The following METTL22 variants were observed in gnomAD, a reference collection of about 807,000 sequenced individuals.
METTL22 encodes the protein methyltransferase 22, Kin17 lysine, also known as methyltransferase-like protein 22.
Under a neutral mutation model 48.4 loss-of-function variants are expected in METTL22, and 51 were observed. That is an observed-to-expected ratio of 1.05 (90% CI 0.84 to 1.33). The LOEUF (loss-of-function observed/expected upper bound fraction) is 1.33, where lower values mean the gene tolerates loss of function less well. Among genes scored for constraint, METTL22 ranks in the 40% most tolerant of loss-of-function variants. The pLI is 0.00. For synonymous variants in METTL22, 255 were observed against 214.1 expected, an observed-to-expected ratio of 1.19 and a Z score of -1.67; for missense variants, 678 against 526.9, an observed-to-expected ratio of 1.29 and a Z score of -2.81.
At chr16:8,639,257 C>T (rs2056519021) in intron 6 of METTL22, 95 bp downstream of exon 6, 6 of 1,227,610 alleles carry the variant, frequency 4.9e-6, no homozygotes, top group South Asian at 3.6e-5. Flanking sequence ...GGCAGGGCTC[C>T]GTCTGTGTCC....
intron 10 of METTL22, 161 bp downstream of exon 10, chr16:8,644,886 TG>T: frequency 1.4e-6 from 1 of 715,798 alleles, no homozygotes; most frequent in Non-Finnish European, 2.1e-6. Flanking sequence ...TGGAACCTGT[TG>T]GGGGAGCTAC....
In METTL22 at chr16:8,628,902, C is replaced by T. The variant is rs796926731; in HGVS notation, c.306C>T (p.Ala102=). 16 of 1,613,810 alleles carry T rather than the reference C, an allele frequency of 9.9e-6. No individual in the cohort carries two copies. The highest frequency in any genetic ancestry group is 3.3e-5 in the Admixed American group (2 of 59,996). The change falls in exon 3 of 11, where the codon GCC becomes GCT. Residue 102 remains alanine (A), a synonymous_variant. Coordinates refer to ENST00000381920, the MANE Select transcript of METTL22 (RefSeq NM_024109.4). ...GTAATGAGGGTTTCTCCCTCCAGGC[C>T]GGGACTGACACCACTGGCCAGGAAG... ...GHGNEGFSLQ[A]GTDTTGQEVA...
At position 8,639,111 on chromosome 16, in the gene METTL22, T is replaced by G; in HGVS notation, c.721T>G (p.Ser241Ala). The G allele has an allele frequency of 1.2e-6, 2 of 1,613,926 alleles. No individual in the cohort carries two copies. Among genetic ancestry groups the G allele is most frequent in the South Asian group, 2.2e-5 (2 of 91,080 alleles). ...YCTDVGADLLSMCQRNIALNS... is the reference protein window; with the variant it reads ...YCTDVGADLLAMCQRNIALNS... ...TCCAGATGTCGGTGCAGATCTCTTGTCCATGTGCCAGCGAAACATTGCCCT... is the reference window on the plus strand; with the variant it reads ...TCCAGATGTCGGTGCAGATCTCTTGGCCATGTGCCAGCGAAACATTGCCCT... The change falls in exon 6 of 11, where the codon TCC (serine) becomes GCC (alanine). Residue 241 changes from serine (S) to alanine (A), a missense_variant. Ser to Ala is a moderately conservative substitution (Grantham distance 99). Transcript: ENST00000381920.
At chr16:8,624,215 A>C (rs2055961033) in intron 1 of METTL22, 1 of 152,102 alleles carries the variant, frequency 6.6e-6, no homozygotes, top group African/African-American at 2.4e-5. Flanking sequence ...AAACGGTTGG[A>C]GGGAGGTCCC....
In METTL22 at chr16:8,646,650, C is replaced by G. The variant is rs1381717575; in HGVS notation, c.*507C>G. 2 of 458,386 alleles carry G rather than the reference C, an allele frequency of 4.4e-6. No individual in the cohort carries two copies. Among genetic ancestry groups the G allele is most frequent in the South Asian group, 3.1e-5 (2 of 64,586 alleles). The allele number at this position is 458,386 out of a possible 1,614,324, so 28.4% of individuals were successfully genotyped here. A position where few individuals can be genotyped will look rare whatever the true frequency, so the allele number is the denominator to read the frequency against. On this transcript the variant is annotated 3_prime_UTR_variant, in exon 11 of 11. Transcript: ENST00000381920. ...TGAGGGCCCCATGAGAAGGAAGAGGCAGGAGCTGGCGCCAGGAATGGACTG... is the reference window on the plus strand; with the variant it reads ...TGAGGGCCCCATGAGAAGGAAGAGGGAGGAGCTGGCGCCAGGAATGGACTG...
At chr16:8,642,441 C>G (rs766172360) in intron 8 of METTL22, 22 bp from the exon 9 acceptor site, 4 of 1,608,752 alleles carry the variant, frequency 2.5e-6, no homozygotes, top group South Asian at 2.2e-5. Context: ...TCCTCTAATG[C>G]TGGCCTTTTT....
At chr16:8,633,610 CAGAA>C (rs976600882) in intron 3 of METTL22, among the ~76,000 whole-genome samples, 8 of 152,138 alleles carry the variant, frequency 5.3e-5, no homozygotes, top group African/African-American at 1.9e-4. Context: ...TGTCTCAAAA[CAGAA>C]AGAGACAGAA....
rs1319583027 is a variant in METTL22, at chr16:8,635,073, C to G, written c.549C>G (p.Gly183=). The part of the protein sequence containing the change: ...HTMATPLEDV[G]KQVWRGALLL... ...TGGCCACGCCCCTGGAGGATGTTGG[C>G]AAGCAGGTGGGTAGGTCTTGTCCGC... The change falls in exon 4 of 11, where the codon GGC becomes GGG. Residue 183 remains glycine, a synonymous_variant. Coordinates refer to ENST00000381920, the MANE Select transcript of METTL22 (RefSeq NM_024109.4). 1.2e-6 allele frequency: 2 copies of G among 1,613,816 alleles called. No individual in the cohort carries two copies. The highest frequency in any genetic ancestry group is 2.7e-5 in the African/African-American group (2 of 74,912).
intron 1 of METTL22, among the ~76,000 whole-genome samples, chr16:8,624,923 G>A (rs1185924318): frequency 6.6e-6 from 1 of 152,118 alleles, no homozygotes; most frequent in African/African-American, 2.4e-5. Context: ...AACAAATGAT[G>A]TGGGGACAGT....
rs2056657065 is a variant in METTL22 at position 8,642,569 on chromosome 16, A to T, written c.1010+4A>T. On this transcript the variant is annotated splice_donor_region_variant and intron_variant, in intron 9 of 10. Coordinates refer to ENST00000381920, the MANE Select transcript of METTL22 (RefSeq NM_024109.4). ...CCATACTGTCGGTGGAGAAGAGGTG[A>T]GCTTTGCGCCACGGGAACCGTGCTG... is the stretch of plus-strand genomic sequence containing the variant. The T allele has an allele frequency of 3.7e-6, 6 of 1,613,820 alleles. No homozygotes were observed. Among genetic ancestry groups the T allele is most frequent in the Admixed American group, 1.7e-5 (1 of 60,002 alleles).
At chr16:8,628,503 C>G (rs1253425932) in intron 2 of METTL22, among the ~76,000 whole-genome samples, 1 of 151,898 alleles carries the variant, frequency 6.6e-6, no homozygotes, top group Non-Finnish European at 1.5e-5. Flanking sequence ...AGCCAAGTGC[C>G]TCATAGATTC....
chr16:8,625,895 G>C, intron 2 of METTL22, 97 bp downstream of exon 2: 1 of 1,454,760 alleles, frequency 6.9e-7, no homozygotes, highest in Non-Finnish European at 9.5e-7. Context: ...ACTGGATTAC[G>C]TAACTGTTAT....
chr16:8,629,205 G>C (rs1456031849), intron 3 of METTL22, 95 bp downstream of exon 3: 1 of 1,481,046 alleles, frequency 6.8e-7, no homozygotes, highest in Admixed American at 1.9e-5. Flanking sequence ...GACTCTGCAG[G>C]CCCAGGCAGC....
chr16:8,657,267 AT>A, the METTL22 span, among the ~76,000 whole-genome samples: 1 of 152,316 alleles, frequency 6.6e-6, no homozygotes, highest in South Asian at 2.1e-4. Flanking sequence ...TGTTTTGTGT[AT>A]TCTGGGAGAA....
At position 8,625,481 on chromosome 16, in the gene METTL22, C is replaced by G. The variant is rs975992778; in HGVS notation, c.-170-15C>G. On this transcript the variant is annotated splice_polypyrimidine_tract_variant and intron_variant, in intron 1 of 10. Coordinates refer to ENST00000381920, the MANE Select transcript of METTL22 (RefSeq NM_024109.4). ...AGTGAAATGAATATAAACAAAATAACGCATTAATTTCCAGCTGGATTCTCT... is the reference window on the plus strand; with the variant it reads ...AGTGAAATGAATATAAACAAAATAAGGCATTAATTTCCAGCTGGATTCTCT... 6.6e-6 allele frequency: 3 copies of G among 455,110 alleles called. No homozygotes were observed. Among genetic ancestry groups the G allele is most frequent in the African/African-American group, 2.0e-5 (1 of 50,472 alleles). The allele number at this position is 455,110 out of a possible 1,614,324, so 28.2% of individuals were successfully genotyped here. A position where few individuals can be genotyped will look rare whatever the true frequency, so the allele number is the denominator to read the frequency against.
rs548587529 is a variant in METTL22, at chr16:8,629,179, G to A, written c.514+69G>A. On this transcript the variant is annotated intron_variant, in intron 3 of 10. Transcript: ENST00000381920. The stretch of plus-strand genomic sequence containing the variant: ...CCGCAGTGTCACTGCTCAGGGCTCA[G>A]TATGATCTGAGCGTGGACTCTGCAG... 3.0e-5 allele frequency: 46 copies of A among 1,552,240 alleles called. No individual in the cohort carries two copies. In the East Asian group the frequency reaches 9.7e-4, roughly 33 times the overall value.
At chr16:8,663,073 T>G in the METTL22 span, among the ~76,000 whole-genome samples, 1 of 151,372 alleles carries the variant, frequency 6.6e-6, no homozygotes, top group Non-Finnish European at 1.5e-5. Flanking sequence ...CCGGGCATGA[T>G]GGCAGGCGCC....
chr16:8,663,852 G>A, the METTL22 span, among the ~76,000 whole-genome samples: 3 of 152,088 alleles, frequency 2.0e-5, no homozygotes, highest in Non-Finnish European at 2.9e-5. Context: ...CACTGCCAAC[G>A]TGTTGGGCTC....
chr16:8,659,612 G>A, the METTL22 span, among the ~76,000 whole-genome samples: 1 of 152,240 alleles, frequency 6.6e-6, no homozygotes, highest in African/African-American at 2.4e-5. Flanking sequence ...GTAGTGTAAA[G>A]AACCACAGTC....
Sources: allele counts gnomAD v4.1 joint callset (sites outside exome capture counted in the v4.1 genomes callset), GRCh38; gene constraint gnomAD v4.1.1; transcripts MANE v1.5; gene names NCBI Gene and HGNC (gene_info 2026-07-23, HGNC 2026-07-21).